The following MR1 variants were observed in gnomAD, a reference collection of about 807,000 sequenced individuals.
MR1 encodes major histocompatibility complex class I-related protein 1.
In MR1, 44 loss-of-function variants were observed where a neutral mutation model predicts 37.8. That is an observed-to-expected ratio of 1.16 (90% CI 0.91 to 1.50). The LOEUF is 1.50. MR1 is among the 40% of genes most tolerant of loss of function. The pLI is 0.00. For missense variants in MR1, 386 were observed against 419.1 expected (o/e 0.92, Z 0.69); for synonymous variants, 153 against 155.8 (o/e 0.98, Z 0.13).
Position 181,055,441 on chromosome 1 carries a change from GGCTCCAAAAA to G in MR1, c.*178_*187del, listed in dbSNP as rs1317260827. ...AGCCACAAAATGTTCTTTGTTCTTTGGCTCCAAAAAGACTGTCAGCTTTCAGTCTCTTTTG... is the reference window on the plus strand; with the variant it reads ...AGCCACAAAATGTTCTTTGTTCTTTGGACTGTCAGCTTTCAGTCTCTTTTG... On this transcript the variant is annotated 3_prime_UTR_variant, in exon 6 of 6. Coordinates refer to ENST00000367580, the MANE Select transcript of MR1 (RefSeq NM_001385161.1). 1.7e-6 allele frequency: 1 copy of G among 594,950 alleles called. No homozygotes were observed. The highest frequency in any genetic ancestry group is 2.9e-5 in the East Asian group (1 of 34,964). 36.9% of individuals were successfully genotyped at this position (594,950 alleles called of 1,614,324 possible).
chr1:181,035,200 C>A (rs989085160), intron 1 of MR1, among the ~76,000 whole-genome samples: 4 of 151,910 alleles, frequency 2.6e-5, no homozygotes, highest in African/African-American at 9.7e-5. Context: ...ATTAGCTGTG[C>A]ACAGTGCGCA....
intron 1 of MR1, 133 bp downstream of exon 1, chr1:181,034,207 C>A: frequency 1.5e-6 from 1 of 648,054 alleles, no homozygotes. Context: ...TACACTCAGA[C>A]TCCAGGAGCA....
intron 1 of MR1, among the ~76,000 whole-genome samples, chr1:181,043,721 A>G (rs921310045): frequency 6.6e-6 from 1 of 152,162 alleles, no homozygotes; most frequent in African/African-American, 2.4e-5. Flanking sequence ...ACATATGCAC[A>G]CACATACATA....
At chr1:181,033,905 A>C, upstream of MR1, 1 of 862,492 alleles carries the variant, frequency 1.2e-6, no homozygotes, top group Non-Finnish European at 1.8e-6. Flanking sequence ...GACACTGCAT[A>C]TCTTCCCCTG....
chr1:181,046,218 A>G (rs1455025991), intron 1 of MR1, among the ~76,000 whole-genome samples: 2 of 152,226 alleles, frequency 1.3e-5, no homozygotes, highest in African/African-American at 2.4e-5. Flanking sequence ...GTGCGGGCGC[A>G]CGGCGCGGGA....
intron 1 of MR1, among the ~76,000 whole-genome samples, chr1:181,045,441 C>T (rs114215775): frequency 0.018 from 2,711 of 152,168 alleles, 40 homozygotes; most frequent in African/African-American, 0.042. Context: ...CTCCAGACGT[C>T]CCAGGCCATT....
At position 181,053,609 on chromosome 1, in the gene MR1, C is replaced by T. The variant is rs891084515; in HGVS notation, c.917C>T (p.Ser306Phe). The change falls in exon 5 of 6, where the codon TCT (serine) becomes TTT (phenylalanine). Residue 306 changes from serine to phenylalanine, a missense_variant. Ser to Phe is a radical substitution (Grantham distance 155). Transcript: ENST00000367580. Reference sequence around the variant, plus strand: ...ATCCCTCTTGTGATGAAAGCTGTCTCTGGGTCCATTGTCCTTGTCATTGTG... The same window carrying T: ...ATCCCTCTTGTGATGAAAGCTGTCTTTGGGTCCATTGTCCTTGTCATTGTG... ...ETIPLVMKAV[S>F]GSIVLVIVLA... 2.5e-6 allele frequency: 4 copies of T among 1,613,862 alleles called. No individual in the cohort carries two copies. The highest frequency in any genetic ancestry group is 3.4e-6 in the Non-Finnish European group (4 of 1,179,900).
chr1:181,045,689 A>G (rs1295495881), intron 1 of MR1, among the ~76,000 whole-genome samples: 1 of 152,086 alleles, frequency 6.6e-6, no homozygotes, highest in Non-Finnish European at 1.5e-5. Context: ...TCACAGCCCT[A>G]GCTCGCTCTT....
At chr1:181,046,058 G>A (rs1036974941) in intron 1 of MR1, among the ~76,000 whole-genome samples, 2 of 152,244 alleles carry the variant, frequency 1.3e-5, no homozygotes, top group Admixed American at 1.3e-4. Context: ...GGCCTTAGCT[G>A]CCTTCCTGCG....
In MR1 at chr1:181,058,594, CT is replaced by C. The variant is rs1658735756; in HGVS notation, c.*3331del. 1 of 152,166 alleles carries C rather than the reference CT, an allele frequency of 6.6e-6. No individual in the cohort carries two copies. Among genetic ancestry groups the C allele is most frequent in the Non-Finnish European group, 1.5e-5 (1 of 68,052 alleles). The allele number at this position is 152,166 out of a possible 1,614,324, so 9.4% of individuals were successfully genotyped here. ...TCCTTTCCTTATTTCTGAGGAATGA[CT>C]TGGTTTCTCCTCTTCTTTTTTTGGC... On this transcript the variant is annotated 3_prime_UTR_variant, in exon 6 of 6. Coordinates refer to ENST00000367580, the MANE Select transcript of MR1 (RefSeq NM_001385161.1).
rs1410552814 is a variant in MR1 at position 181,050,515 on chromosome 1, G to A, written c.604+229G>A. 4 of 543,750 alleles carry A rather than the reference G, an allele frequency of 7.4e-6. No homozygotes were observed. The East Asian group carries it at 1.3e-4, about 18-fold the overall frequency. 33.7% of individuals were successfully genotyped at this position (543,750 alleles called of 1,614,324 possible). A position where few individuals can be genotyped will look rare whatever the true frequency, so the allele number is the denominator to read the frequency against. Reference sequence around the variant, plus strand: ...TCTTGACAGAGTGGAGTACCTCCAAGGGCACCTTGTTTTTAGGGATCTATT... The same window carrying A: ...TCTTGACAGAGTGGAGTACCTCCAAAGGCACCTTGTTTTTAGGGATCTATT... On this transcript the variant is annotated intron_variant, in intron 3 of 5. Transcript: ENST00000367580.
At chr1:181,054,367 A>C (rs1004830261) in intron 5 of MR1, among the ~76,000 whole-genome samples, 1 of 152,218 alleles carries the variant, frequency 6.6e-6, no homozygotes, top group African/African-American at 2.4e-5. Context: ...TGGTAAGGTT[A>C]TCTCCTGGCT....
chr1:181,033,435 G>GT (rs3840436), upstream of MR1: 109,079 of 152,286 alleles, frequency 0.72, 39,419 homozygotes, highest in African/African-American at 0.79. Context: ...AGAATCTTCT[G>GT]TAGGCCTTTC....
chr1:181,054,189 A>G (rs1033360382), intron 5 of MR1, among the ~76,000 whole-genome samples: 1 of 152,200 alleles, frequency 6.6e-6, no homozygotes, highest in East Asian at 1.9e-4. Context: ...GGAAAAGGGG[A>G]GGAGAAGTAG....
intron 3 of MR1, among the ~76,000 whole-genome samples, chr1:181,051,495 G>A (rs2102399073): frequency 6.6e-6 from 1 of 152,194 alleles, no homozygotes; most frequent in East Asian, 1.9e-4. Flanking sequence ...GGGGTCAGGA[G>A]GCAAGTCAGA....
At chr1:181,054,698 TA>T (rs11400602) in intron 5 of MR1, among the ~76,000 whole-genome samples, 61 of 145,966 alleles carry the variant, frequency 4.2e-4, no homozygotes, top group Non-Finnish European at 4.2e-4. Context: ...CTGAAAATAT[TA>T]AAAAAAAAAA....
chr1:181,051,248 C>T (rs1658301252), intron 3 of MR1: 1 of 149,248 alleles, frequency 6.7e-6, no homozygotes, highest in Non-Finnish European at 1.5e-5. Context: ...AAACACACTC[C>T]TAAAAAAACA....
At chr1:181,041,830 T>A (rs1657568799) in intron 1 of MR1, among the ~76,000 whole-genome samples, 2 of 152,334 alleles carry the variant, frequency 1.3e-5, no homozygotes, top group Admixed American at 6.5e-5. Context: ...TTTAAAAAAA[T>A]TATATATTTT....
chr1:181,053,037 C>T (rs1265015495), intron 4 of MR1, among the ~76,000 whole-genome samples: 2 of 151,974 alleles, frequency 1.3e-5, no homozygotes, highest in Non-Finnish European at 2.9e-5. Flanking sequence ...TACACTCCAG[C>T]CTGTGCGAAG....
Sources: gnomAD v4.1 joint callset for allele counts (sites outside exome capture counted in the v4.1 genomes callset) on GRCh38, gnomAD v4.1.1 for gene constraint, MANE v1.5 for transcripts, NCBI Gene and HGNC (gene_info 2026-07-23, HGNC 2026-07-21) for gene names.